The following CARMIL1 variants were observed in gnomAD, a reference collection of about 807,000 sequenced individuals.
The protein encoded by CARMIL1 is capping protein regulator and myosin 1 linker 1, also known as F-actin-uncapping protein LRRC16A.
In CARMIL1, 90 loss-of-function variants were observed where a neutral mutation model predicts 177.1. The observed-to-expected ratio is 0.51, with a 90% confidence interval of 0.43 to 0.61. The LOEUF (loss-of-function observed/expected upper bound fraction) is 0.61. Ranked by LOEUF, CARMIL1 falls within the 20% of genes least tolerant of loss-of-function variation. The pLI is 0.00. For missense variants in CARMIL1, 1,380 were observed against 1,667.0 expected (o/e 0.83, Z 3.00); for synonymous variants, 577 against 606.2 (o/e 0.95, Z 0.71).
Position 25,392,054 on chromosome 6 carries a change from ATGTGTGTGTGTGTG to A in CARMIL1, c.139-28028_139-28015del, listed in dbSNP as rs36076582. Reference sequence around the variant, plus strand: ...TGTGTATGCATGTGTGTGTATATGCATGTGTGTGTGTGTGTGTGTGTGTGTGTGTGTGTGTGTGT... The same window carrying A: ...TGTGTATGCATGTGTGTGTATATGCATGTGTGTGTGTGTGTGTGTGTGTGT... On this transcript the variant is annotated intron_variant, in intron 2 of 36. Coordinates refer to ENST00000329474, the MANE Select transcript of CARMIL1 (RefSeq NM_017640.6). 2.4e-3 allele frequency among the ~76,000 whole-genome samples: 336 copies of A among 139,356 alleles called. 2 individuals are homozygous for A. The highest frequency in any genetic ancestry group is 7.9e-3 in the African/African-American group (300 of 37,856). 91.4% of individuals were successfully genotyped at this position (139,356 alleles called of 152,430 possible).
chr6:25,282,657 A>G (rs1399741088), intron 1 of CARMIL1, among the ~76,000 whole-genome samples: 1 of 152,258 alleles, frequency 6.6e-6, no homozygotes, highest in Non-Finnish European at 1.5e-5. Context: ...TGAAACACAC[A>G]TTGTAAGTAG....
chr6:25,474,104 G>A (rs898575201), intron 11 of CARMIL1, among the ~76,000 whole-genome samples: 5 of 151,234 alleles, frequency 3.3e-5, no homozygotes, highest in African/African-American at 1.2e-4. Context: ...TATTTGATGA[G>A]TATTAATTTT....
At chr6:25,581,469 C>G in intron 31 of CARMIL1, 30 bp downstream of exon 31, 1 of 1,555,750 alleles carries the variant, frequency 6.4e-7, no homozygotes, top group South Asian at 1.2e-5. Context: ...GGCCCCATCT[C>G]TCCCACACCC....
At chr6:25,547,363 T>C (rs1185195910) in intron 26 of CARMIL1, among the ~76,000 whole-genome samples, 1 of 152,010 alleles carries the variant, frequency 6.6e-6, no homozygotes, top group Non-Finnish European at 1.5e-5. Context: ...CAGACACATA[T>C]AAAGAAGAAC....
At chr6:25,450,980 TCCCCCTCC>T (rs1475583027) in intron 8 of CARMIL1, among the ~76,000 whole-genome samples, 131 of 2,836 alleles carry the variant, frequency 0.046, 1 homozygote, top group East Asian at 0.2. Context: ...TCTTCTCCTC[TCCCCCTCC>T]CCTCTCCCCT....
intron 2 of CARMIL1, among the ~76,000 whole-genome samples, chr6:25,299,711 C>G (rs1304921490): frequency 6.6e-6 from 1 of 151,896 alleles, no homozygotes; most frequent in Non-Finnish European, 1.5e-5. Context: ...CACGGTGGCT[C>G]ATGCCTGTAA....
intron 27 of CARMIL1, 146 bp downstream of exon 27, chr6:25,551,231 G>C: frequency 1.6e-6 from 1 of 614,666 alleles, no homozygotes; most frequent in Non-Finnish European, 2.8e-6. Context: ...AAATATAACT[G>C]TGCATAAATG....
intron 17 of CARMIL1, chr6:25,507,580 A>C (rs537345724): frequency 6.6e-6 from 1 of 152,618 alleles, no homozygotes; most frequent in African/African-American, 2.4e-5. Flanking sequence ...GTATACTACA[A>C]ATATCAGTAA....
At chr6:25,405,098 C>G (rs1794248751) in intron 2 of CARMIL1, among the ~76,000 whole-genome samples, 1 of 152,176 alleles carries the variant, frequency 6.6e-6, no homozygotes, top group Admixed American at 6.5e-5. Flanking sequence ...TTCAGTTTAT[C>G]TTGAAACTTT....
At chr6:25,578,561 C>A (rs1368250126) in intron 29 of CARMIL1, among the ~76,000 whole-genome samples, 4 of 152,078 alleles carry the variant, frequency 2.6e-5, no homozygotes, top group Non-Finnish European at 5.9e-5. Flanking sequence ...GGAAGAATTA[C>A]TTCCAAAGAA....
chr6:25,550,473 C>G (rs181587200), intron 26 of CARMIL1, among the ~76,000 whole-genome samples: 1 of 152,192 alleles, frequency 6.6e-6, no homozygotes, highest in East Asian at 1.9e-4. Context: ...TTTGGAGTTT[C>G]TGTGATTTGC....
intron 32 of CARMIL1, among the ~76,000 whole-genome samples, chr6:25,599,280 G>A (rs1319510462): frequency 1.3e-5 from 2 of 152,210 alleles, no homozygotes; most frequent in African/African-American, 4.8e-5. Context: ...CTCCCCGACT[G>A]TTGGCTTAGG....
rs115188915 is a variant in CARMIL1, at chr6:25,392,336, A to G, written c.139-27778A>G. Among the ~76,000 whole-genome samples, 1,471 of 152,274 alleles carry G rather than the reference A, an allele frequency of 9.7e-3. 15 individuals carry two copies. The highest frequency in any genetic ancestry group is 0.025 in the African/African-American group (1,053 of 41,538). On this transcript the variant is annotated intron_variant, in intron 2 of 36. Coordinates refer to ENST00000329474, the MANE Select transcript of CARMIL1 (RefSeq NM_017640.6). ...GAGTTCACTTCTTTCCACAACTTCA[A>G]ATTGATCTTGGAATTTTCTTTATAT...
chr6:25,290,207 C>T (rs1205491388), intron 2 of CARMIL1, among the ~76,000 whole-genome samples: 2 of 152,004 alleles, frequency 1.3e-5, no homozygotes, highest in African/African-American at 2.4e-5. Context: ...GTGATCCTCC[C>T]ACCTCAGCCT....
chr6:25,514,550 C>CAAAAAAAAA (rs66490833), intron 20 of CARMIL1, among the ~76,000 whole-genome samples: 2 of 84,194 alleles, frequency 2.4e-5, no homozygotes, highest in Non-Finnish European at 4.5e-5. Context: ...GACCTTGTCT[C>CAAAAAAAAA]AAAAAAAAAA....
At chr6:25,385,032 TA>T (rs1381772297) in intron 2 of CARMIL1, among the ~76,000 whole-genome samples, 1 of 152,228 alleles carries the variant, frequency 6.6e-6, no homozygotes, top group African/African-American at 2.4e-5. Flanking sequence ...CAATGATTAA[TA>T]AGATAATCTT....
intron 22 of CARMIL1, among the ~76,000 whole-genome samples, chr6:25,518,579 C>G (rs1295924294): frequency 6.6e-6 from 1 of 152,204 alleles, no homozygotes; most frequent in Admixed American, 6.5e-5. Context: ...ATGGTTACTC[C>G]TATTGCACCA....
chr6:25,496,857 T>C (rs1202134334), intron 16 of CARMIL1, among the ~76,000 whole-genome samples: 1 of 152,242 alleles, frequency 6.6e-6, no homozygotes, highest in Non-Finnish European at 1.5e-5. Flanking sequence ...TTGTTTACTT[T>C]TGTATAATAT....
chr6:25,584,605 A>T (rs1288161032), intron 31 of CARMIL1, among the ~76,000 whole-genome samples: 2 of 151,942 alleles, frequency 1.3e-5, no homozygotes, highest in African/African-American at 4.8e-5. Context: ...TTTTATGCTA[A>T]GTTTGATGAA....
Sources: allele counts gnomAD v4.1 joint callset (sites outside exome capture counted in the v4.1 genomes callset), GRCh38; gene constraint gnomAD v4.1.1; transcripts MANE v1.5; gene names NCBI Gene and HGNC (gene_info 2026-07-23, HGNC 2026-07-21).